LYST: variants seen among roughly 807,000 people sequenced by gnomAD.
The protein encoded by LYST is lysosomal trafficking regulator.
LYST carries 192 observed loss-of-function variants against 413.6 expected under a neutral mutation model. That is an observed-to-expected ratio of 0.46 (90% CI 0.41 to 0.52). The LOEUF is 0.52. LYST is among the 20% of genes least tolerant of loss of function. The pLI is 0.00. For missense variants in LYST, 3,815 were observed against 4,499.9 expected (o/e 0.85, Z 4.35); for synonymous variants, 1,525 against 1,567.3 (o/e 0.97, Z 0.64).
chr1:235,838,594 A>G (rs1232556841), intron 1 of LYST, among the ~76,000 whole-genome samples: 1 of 152,236 alleles, frequency 6.6e-6, no homozygotes. Context: ...TATGGAAGCT[A>G]CATTTTTTTA....
rs751871167 is a variant in LYST at position 235,830,328 on chromosome 1, C to A, written c.90G>T (p.Arg30Ser). ...TGTGCGTCTCCTCCTCTTCTTCCTCCCTGGCCTCCACCCTCTGGACCACTG... is the reference window on the plus strand; with the variant it reads ...TGTGCGTCTCCTCCTCTTCTTCCTCACTGGCCTCCACCCTCTGGACCACTG... ...CNAVVQRVEA[R>S]EEEEEETHMA... The change falls in exon 3 of 53, where the codon AGG (arginine) becomes AGT (serine). Residue 30 changes from arginine (R) to serine (S), a missense_variant. Around this residue, in one of 4 missense-constraint regions of LYST, gnomAD observed 1,648 missense variants for 1,810.3 expected, o/e 0.91. Coordinates refer to ENST00000389793, the MANE Select transcript of LYST (RefSeq NM_000081.4). 1 of 1,613,926 alleles carries A rather than the reference C, an allele frequency of 6.2e-7. No individual in the cohort carries two copies. The highest frequency in any genetic ancestry group is 8.5e-7 in the Non-Finnish European group (1 of 1,179,878).
intron 1 of LYST, among the ~76,000 whole-genome samples, chr1:235,865,775 T>C (rs986579418): frequency 2.0e-5 from 3 of 152,180 alleles, no homozygotes; most frequent in African/African-American, 7.2e-5. Flanking sequence ...TTTAAAATAA[T>C]AGCGCAGAAG....
chr1:235,815,809 T>C (rs145304441), intron 3 of LYST, among the ~76,000 whole-genome samples: 2 of 152,134 alleles, frequency 1.3e-5, no homozygotes, highest in Non-Finnish European at 2.9e-5. Flanking sequence ...TGGAGAAACA[T>C]TCCACATTCA....
At position 235,787,272 on chromosome 1, in the gene LYST, A is replaced by G; in HGVS notation, c.4790T>C (p.Leu1597Pro). The change falls in exon 14 of 53, where the codon CTC (leucine) becomes CCC (proline). Residue 1597 changes from leucine to proline, a missense_variant. Coordinates refer to ENST00000389793, the MANE Select transcript of LYST (RefSeq NM_000081.4). ...FLPSKWQHLV[L>P]TYLQQPQGKR... ...CCCTTGGGGCTGCTGTAAGTAGGTG[A>G]GTACTAAATGTTGCCATTTGCTTGG... is the stretch of plus-strand genomic sequence containing the variant. The G allele has an allele frequency of 6.2e-7, 1 of 1,613,488 alleles. No individual in the cohort carries two copies. Among genetic ancestry groups the G allele is most frequent in the Non-Finnish European group, 8.5e-7 (1 of 1,179,526 alleles).
At chr1:235,813,142 C>A (rs1673642075) in intron 3 of LYST, 81 bp from the exon 4 acceptor site, 2 of 806,758 alleles carry the variant, frequency 2.5e-6, no homozygotes, top group African/African-American at 1.7e-5. Flanking sequence ...TAAACTGAAC[C>A]AAAAAATCCT....
At chr1:235,797,747 C>G (rs749223189) in intron 10 of LYST, among the ~76,000 whole-genome samples, 6 of 152,024 alleles carry the variant, frequency 3.9e-5, no homozygotes, top group Admixed American at 6.6e-5. Context: ...ACCAAAGGTA[C>G]AGCAAACTAA....
intron 1 of LYST, among the ~76,000 whole-genome samples, chr1:235,852,297 GC>G (rs1678633295): frequency 6.6e-6 from 1 of 152,140 alleles, no homozygotes; most frequent in African/African-American, 2.4e-5. Context: ...AATATGTTTT[GC>G]CCCATTCTCC....
Position 235,715,359 on chromosome 1 carries a change from TG to T in LYST, c.9628-3del. ...TTTGCGGTACTCTTCCTCCAAGTAC[TG>T]AAAGAAACGGTGAATCCAGAGAATT... On this transcript the variant is annotated splice_polypyrimidine_tract_variant and splice_region_variant and intron_variant, in intron 41 of 52. Transcript: ENST00000389793. 2 of 1,613,690 alleles carry T rather than the reference TG, an allele frequency of 1.2e-6. No homozygotes were observed. The highest frequency in any genetic ancestry group is 1.7e-6 in the Non-Finnish European group (2 of 1,179,760).
chr1:235,869,234 A>G (rs991983654), upstream of LYST, among the ~76,000 whole-genome samples: 2 of 152,180 alleles, frequency 1.3e-5, no homozygotes, highest in African/African-American at 4.8e-5. Context: ...GCACTTTGGG[A>G]GGCCGAGGCG....
At chr1:235,825,533 T>C (rs965800982) in intron 3 of LYST, among the ~76,000 whole-genome samples, 1 of 152,226 alleles carries the variant, frequency 6.6e-6, no homozygotes, top group Non-Finnish European at 1.5e-5. Flanking sequence ...ATTGTATTTC[T>C]ATGAGCAACA....
At chr1:235,714,600 C>G (rs1203854555) in intron 42 of LYST, among the ~76,000 whole-genome samples, 1 of 152,122 alleles carries the variant, frequency 6.6e-6, no homozygotes, top group Non-Finnish European at 1.5e-5. Context: ...GAACTAATAT[C>G]ACCGTTCTCA....
chr1:235,737,924 T>A (rs943789301), intron 31 of LYST: 7 of 1,170,334 alleles, frequency 6.0e-6, no homozygotes, highest in African/African-American at 3.2e-5. Flanking sequence ...CGAGTCTGGA[T>A]CTCACTGCCG....
intron 3 of LYST, among the ~76,000 whole-genome samples, chr1:235,816,159 A>AAG (rs1558293409): frequency 5.4e-5 from 6 of 111,808 alleles, no homozygotes; most frequent in African/African-American, 2.1e-4. Context: ...AAAAAAAAAA[A>AAG]GGCTGGGCAT....
chr1:235,688,780 C>T (rs906982755), intron 47 of LYST, among the ~76,000 whole-genome samples: 4 of 151,764 alleles, frequency 2.6e-5, no homozygotes, highest in South Asian at 2.1e-4. Flanking sequence ...GTCAGGAGAT[C>T]GAGACCATCC....
At chr1:235,770,449 T>C in intron 19 of LYST, 152 bp from the exon 20 acceptor site, 1 of 780,592 alleles carries the variant, frequency 1.3e-6, no homozygotes, top group South Asian at 1.5e-5. Context: ...TTAAAATTTA[T>C]TCCCTATTAT....
intron 16 of LYST, among the ~76,000 whole-genome samples, chr1:235,780,161 T>C (rs1338021226): frequency 1.3e-5 from 2 of 152,172 alleles, no homozygotes; most frequent in African/African-American, 2.4e-5. Flanking sequence ...AATCTCACCA[T>C]TTGGGAGGCT....
At chr1:235,675,789 T>C (rs564839638) in intron 50 of LYST, among the ~76,000 whole-genome samples, 1 of 152,332 alleles carries the variant, frequency 6.6e-6, no homozygotes, top group South Asian at 2.1e-4. Context: ...GTGGGGCTCA[T>C]GGCAGCCTCC....
intron 40 of LYST, among the ~76,000 whole-genome samples, chr1:235,718,189 T>C (rs1239871533): frequency 1.6e-5 from 2 of 125,976 alleles, no homozygotes; most frequent in Non-Finnish European, 3.4e-5. Context: ...ATAGTATAAA[T>C]AGGGGTTTTT....
At chr1:235,855,897 A>G (rs887824754) in intron 1 of LYST, among the ~76,000 whole-genome samples, 13 of 152,210 alleles carry the variant, frequency 8.5e-5, no homozygotes, top group African/African-American at 3.1e-4. Flanking sequence ...GCAGTCAATT[A>G]CAGAAAAATG....
Sources: gnomAD v4.1 joint callset for allele counts (sites outside exome capture counted in the v4.1 genomes callset) on GRCh38, gnomAD v4.1.1 for gene constraint, gnomAD v4.1.1 regional missense constraint, MANE v1.5 for transcripts, NCBI Gene and HGNC (gene_info 2026-07-23, HGNC 2026-07-21) for gene names.